Variants in RHPN2 observed in about 807,000 individuals in gnomAD.
The protein encoded by RHPN2 is rhophilin-2.
In RHPN2, 40 loss-of-function variants were observed where a neutral mutation model predicts 79.0. The ratio of observed to expected loss-of-function variants is 0.51; its 90% confidence interval spans 0.39 to 0.66. RHPN2 has a LOEUF of 0.66. Among genes scored for constraint, RHPN2 ranks in the 30% least tolerant of loss-of-function variants. RHPN2 has a pLI of 0.00. For synonymous variants in RHPN2, 285 were observed against 363.5 expected (o/e 0.78, Z 2.46); for missense variants, 686 against 883.5 (o/e 0.78, Z 2.83).
At chr19:33,054,425 C>T (rs1463850444) in intron 1 of RHPN2, among the ~76,000 whole-genome samples, 1 of 151,972 alleles carries the variant, frequency 6.6e-6, no homozygotes, top group Non-Finnish European at 1.5e-5. Flanking sequence ...GTCTCGAACT[C>T]CTGACCTCAA....
chr19:32,980,688 CT>C (rs748082223), intron 14 of RHPN2, among the ~76,000 whole-genome samples: 3 of 152,068 alleles, frequency 2.0e-5, no homozygotes, highest in South Asian at 2.1e-4. Flanking sequence ...CAAGGACAAA[CT>C]TTTTTTCTTT....
intron 7 of RHPN2, among the ~76,000 whole-genome samples, chr19:33,004,877 C>G (rs1392855719): frequency 1.3e-5 from 2 of 151,664 alleles, no homozygotes; most frequent in Non-Finnish European, 2.9e-5. Flanking sequence ...GTGAGCCACC[C>G]CACCCAGCCT....
rs1774740182 is a variant in RHPN2 at position 32,979,745 on chromosome 19, A to G, written c.*251T>C. 4 of 500,098 alleles carry G rather than the reference A, an allele frequency of 8.0e-6. No individual in the cohort carries two copies. The allele number at this position is 500,098 out of a possible 1,614,324, so 31.0% of individuals were successfully genotyped here. Reference sequence around the variant, plus strand: ...TATTTCATATCTTCAACACTATTCTATTTACAATACTTTATATAATAAATA... The same window carrying G: ...TATTTCATATCTTCAACACTATTCTGTTTACAATACTTTATATAATAAATA... On this transcript the variant is annotated 3_prime_UTR_variant, in exon 15 of 15. Transcript: ENST00000254260.
intron 2 of RHPN2, among the ~76,000 whole-genome samples, chr19:33,042,008 C>A (rs1398464925): frequency 6.6e-6 from 1 of 151,974 alleles, no homozygotes; most frequent in South Asian, 2.1e-4. Context: ...CACGGTGAAA[C>A]CCTGTCTCTA....
At chr19:32,983,583 C>A (rs2145997780) in intron 14 of RHPN2, among the ~76,000 whole-genome samples, 1 of 149,770 alleles carries the variant, frequency 6.7e-6, no homozygotes, top group African/African-American at 2.4e-5. Context: ...TACCCACACA[C>A]ACTCTCTCAC....
intron 2 of RHPN2, among the ~76,000 whole-genome samples, chr19:33,027,529 T>A (rs548786332): frequency 6.6e-6 from 1 of 151,176 alleles, no homozygotes; most frequent in South Asian, 2.1e-4. Flanking sequence ...AAATAAAATA[T>A]AAAAATATAT....
At chr19:32,987,690 A>G (rs1022224689) in intron 14 of RHPN2, among the ~76,000 whole-genome samples, 34 of 152,182 alleles carry the variant, frequency 2.2e-4, no homozygotes, top group African/African-American at 8.2e-4. Flanking sequence ...TTTGTCTCAC[A>G]GCCTCAAATA....
intron 11 of RHPN2, 119 bp from the exon 12 acceptor site, chr19:32,994,172 G>A (rs1971682777): frequency 5.6e-6 from 4 of 712,058 alleles, no homozygotes; most frequent in Non-Finnish European, 1.0e-5. Context: ...GAGGCAGGTG[G>A]ATCACTTGAG....
rs200862489 is a variant in RHPN2, at chr19:32,994,072, A to T, written c.1421-19T>A. 9.5e-5 allele frequency: 147 copies of T among 1,552,460 alleles called. No individual in the cohort carries two copies. Among genetic ancestry groups the T allele is most frequent in the Non-Finnish European group, 1.1e-4 (124 of 1,124,298 alleles). ...GTTTTAGCTAGAATAGAGGATTAGAAATGGGAGGATAAACGTTTCTGTAAT... is the reference window on the plus strand; with the variant it reads ...GTTTTAGCTAGAATAGAGGATTAGATATGGGAGGATAAACGTTTCTGTAAT... On this transcript the variant is annotated intron_variant, in intron 11 of 14. Coordinates refer to ENST00000254260, the MANE Select transcript of RHPN2 (RefSeq NM_033103.5).
intron 2 of RHPN2, among the ~76,000 whole-genome samples, chr19:33,037,796 C>T (rs921372801): frequency 6.6e-6 from 1 of 152,150 alleles, no homozygotes; most frequent in African/African-American, 2.4e-5. Context: ...TGTAACACCG[C>T]GAGGGTCCGT....
chr19:32,986,866 G>A (rs562008419), intron 14 of RHPN2, among the ~76,000 whole-genome samples: 127 of 150,886 alleles, frequency 8.4e-4, no homozygotes, highest in Non-Finnish European at 1.5e-3. Flanking sequence ...ATACCCTTCT[G>A]TGGCTTTTAT....
At chr19:33,016,659 C>G (rs1971880615) in intron 4 of RHPN2, among the ~76,000 whole-genome samples, 1 of 152,082 alleles carries the variant, frequency 6.6e-6, no homozygotes, top group African/African-American at 2.4e-5. Context: ...CCAGCCTGGG[C>G]AACAGAGTGA....
intron 14 of RHPN2, among the ~76,000 whole-genome samples, chr19:32,986,793 CA>C (rs200201106): frequency 0.069 from 6,209 of 90,136 alleles, 333 homozygotes; most frequent in African/African-American, 0.21. Context: ...GACTCTGTCT[CA>C]AAAAAAAAAA....
intron 7 of RHPN2, among the ~76,000 whole-genome samples, chr19:33,006,060 T>G (rs1255066022): frequency 1.3e-5 from 2 of 152,040 alleles, no homozygotes; most frequent in Non-Finnish European, 2.9e-5. Flanking sequence ...TTGTACTTTT[T>G]GTAGAGATGG....
intron 1 of RHPN2, among the ~76,000 whole-genome samples, chr19:33,060,884 G>C (rs557811064): frequency 8.5e-5 from 13 of 152,254 alleles, no homozygotes; most frequent in African/African-American, 3.1e-4. Context: ...AGAAGGAAGG[G>C]CAAAGATGAT....
chr19:33,059,455 C>T (rs1002061565), intron 1 of RHPN2, among the ~76,000 whole-genome samples: 6 of 151,952 alleles, frequency 3.9e-5, no homozygotes, highest in East Asian at 3.9e-4. Context: ...CCCGCCACCA[C>T]GCCTTGCTCA....
intron 14 of RHPN2, among the ~76,000 whole-genome samples, chr19:32,982,772 C>T (rs546476153): frequency 9.9e-5 from 15 of 152,130 alleles, no homozygotes; most frequent in Admixed American, 3.9e-4. Flanking sequence ...AAAGGTTGTG[C>T]GTTGCTGGAG....
intron 9 of RHPN2, among the ~76,000 whole-genome samples, chr19:33,000,110 G>C (rs1467681074): frequency 1.3e-5 from 2 of 152,030 alleles, no homozygotes; most frequent in South Asian, 2.1e-4. Flanking sequence ...GGGTTCAAAC[G>C]ATCCTCCTGC....
Position 32,999,624 on chromosome 19 carries a change from A to T in RHPN2, c.1187T>A (p.Leu396Ter). The T allele has an allele frequency of 6.2e-7, 1 of 1,613,062 alleles. No homozygotes were observed. The highest frequency in any genetic ancestry group is 8.5e-7 in the Non-Finnish European group (1 of 1,179,354). ...YDHMPEGLTP[L>*]ATLKNDQQRR... ...CTGCTGATCATTCTTCAGTGTGGCC[A>T]AGGGTGTCAGCCCCTCTGGCATGTG... Residue 396 changes from leucine to a stop codon, truncating the protein, a stop_gained, in exon 10 of 15, where the codon TTG (leucine) becomes TAG (stop). Transcript: ENST00000254260. LOFTEE classifies it high-confidence loss of function.
Sources: gnomAD v4.1 joint callset for allele counts (sites outside exome capture counted in the v4.1 genomes callset) on GRCh38, gnomAD v4.1.1 for gene constraint, MANE v1.5 for transcripts, NCBI Gene and HGNC (gene_info 2026-07-23, HGNC 2026-07-21) for gene names.